GNAT3: variants seen among roughly 807,000 people sequenced by gnomAD.
The protein encoded by GNAT3 is G protein subunit alpha transducin 3.
GNAT3 carries 31 observed loss-of-function variants against 37.7 expected under a neutral mutation model. The observed-to-expected ratio is 0.82, with a 90% CI of 0.62 to 1.11. The LOEUF (loss-of-function observed/expected upper bound fraction) is 1.11. Ranked by LOEUF, GNAT3 falls within the 50% of genes most tolerant of loss-of-function variation. The pLI, the probability that GNAT3 is intolerant of heterozygous loss-of-function variation, is 0.00. For missense variants in GNAT3, 437 were observed against 412.5 expected (o/e 1.06, Z -0.51); for synonymous variants, 138 against 139.8 (o/e 0.99, Z 0.09).
chr7:80,464,519 G>T (rs1158281811), intron 5 of GNAT3, among the ~76,000 whole-genome samples: 1 of 152,022 alleles, frequency 6.6e-6, no homozygotes, highest in African/African-American at 2.4e-5. Flanking sequence ...TTTAGATAGG[G>T]AATTGACATT....
intron 3 of GNAT3, among the ~76,000 whole-genome samples, chr7:80,483,933 TTC>T (rs374696968): frequency 5.3e-5 from 8 of 151,496 alleles, no homozygotes; most frequent in Non-Finnish European, 8.8e-5. Context: ...GAATGGCTCA[TTC>T]TCTCTCTCTC....
intron 2 of GNAT3, among the ~76,000 whole-genome samples, chr7:80,489,078 T>A (rs1005631978): frequency 6.6e-6 from 1 of 152,138 alleles, no homozygotes; most frequent in Non-Finnish European, 1.5e-5. Flanking sequence ...CGAAGTCATT[T>A]AGAACATTCA....
chr7:80,507,611 C>T (rs1338990438), intron 1 of GNAT3, among the ~76,000 whole-genome samples: 1 of 151,942 alleles, frequency 6.6e-6, no homozygotes, highest in Non-Finnish European at 1.5e-5. Context: ...AAGTACAAAA[C>T]GCATTACAGT....
chr7:80,472,032 A>C (rs1242318685), intron 5 of GNAT3, among the ~76,000 whole-genome samples: 5 of 152,158 alleles, frequency 3.3e-5, no homozygotes, highest in African/African-American at 1.2e-4. Flanking sequence ...CTATAAATAG[A>C]CATGGCCCCT....
intron 1 of GNAT3, among the ~76,000 whole-genome samples, chr7:80,499,937 A>G (rs1171678775): frequency 6.6e-6 from 1 of 152,142 alleles, no homozygotes; most frequent in African/African-American, 2.4e-5. Context: ...AGCTTTAAGT[A>G]TTTTCTATTA....
chr7:80,483,611 CCT>C (rs1790427519), intron 3 of GNAT3, among the ~76,000 whole-genome samples: 1 of 151,726 alleles, frequency 6.6e-6, no homozygotes, highest in Non-Finnish European at 1.5e-5. Flanking sequence ...GTTTTGATCC[CCT>C]CTTTCCCTCC....
intron 5 of GNAT3, among the ~76,000 whole-genome samples, chr7:80,467,261 G>T (rs747358210): frequency 1.3e-5 from 2 of 152,100 alleles, no homozygotes; most frequent in African/African-American, 2.4e-5. Flanking sequence ...AATGGATTCT[G>T]AAAGTCTCTC....
intron 4 of GNAT3, 99 bp downstream of exon 4, chr7:80,478,742 A>T: frequency 8.6e-7 from 1 of 1,168,152 alleles, no homozygotes. Flanking sequence ...AACACCATTT[A>T]TTTTCCTCAT....
chr7:80,470,485 T>G (rs1461317438), intron 5 of GNAT3, among the ~76,000 whole-genome samples: 2 of 152,176 alleles, frequency 1.3e-5, no homozygotes, highest in Non-Finnish European at 2.9e-5. Flanking sequence ...CCTCTCAAAG[T>G]GCTGGGATTA....
At chr7:80,471,139 G>C (rs1256774446) in intron 5 of GNAT3, among the ~76,000 whole-genome samples, 1 of 149,878 alleles carries the variant, frequency 6.7e-6, no homozygotes, top group Non-Finnish European at 1.5e-5. Flanking sequence ...ACCAGCTGAG[G>C]GGAACTGAGG....
intron 1 of GNAT3, among the ~76,000 whole-genome samples, chr7:80,495,428 T>A (rs1790697614): frequency 6.6e-6 from 1 of 151,964 alleles, no homozygotes; most frequent in African/African-American, 2.4e-5. Flanking sequence ...CATTTTGACC[T>A]GGTGTAAGGT....
intron 1 of GNAT3, among the ~76,000 whole-genome samples, chr7:80,509,815 T>G (rs1791028552): frequency 6.6e-6 from 1 of 152,144 alleles, no homozygotes; most frequent in African/African-American, 2.4e-5. Flanking sequence ...CATCTATATA[T>G]ACTCTTTTTG....
intron 1 of GNAT3, among the ~76,000 whole-genome samples, chr7:80,498,059 A>G (rs1287493210): frequency 6.6e-6 from 1 of 152,086 alleles, no homozygotes. Context: ...TCACAACCGA[A>G]TTTTATTTTA....
chr7:80,503,049 TA>T (rs1334774493), intron 1 of GNAT3, among the ~76,000 whole-genome samples: 1 of 152,166 alleles, frequency 6.6e-6, no homozygotes, highest in Non-Finnish European at 1.5e-5. Context: ...GGGTAGTCTT[TA>T]TTTTTTTTAA....
intron 7 of GNAT3, among the ~76,000 whole-genome samples, chr7:80,460,340 G>A (rs74708934): frequency 0.012 from 1,768 of 152,204 alleles, 43 homozygotes; most frequent in African/African-American, 0.042. Flanking sequence ...ATGAATGGGG[G>A]AACACAGGGG....
intron 5 of GNAT3, among the ~76,000 whole-genome samples, chr7:80,473,004 G>T (rs76082547): frequency 1.3e-5 from 2 of 152,166 alleles, no homozygotes. Flanking sequence ...TTTCACTGGC[G>T]TGGGAGGGGC....
At chr7:80,507,324 A>G (rs1404572807) in intron 1 of GNAT3, among the ~76,000 whole-genome samples, 1 of 152,040 alleles carries the variant, frequency 6.6e-6, no homozygotes, top group Non-Finnish European at 1.5e-5. Flanking sequence ...TCTAGGGATA[A>G]TTAAAAAAAA....
chr7:80,481,949 A>C (rs1790398123), intron 3 of GNAT3, among the ~76,000 whole-genome samples: 1 of 152,198 alleles, frequency 6.6e-6, no homozygotes. Flanking sequence ...GTCCCGCTTC[A>C]AATTGTCCTG....
At chr7:80,504,063 T>A (rs1790885656) in intron 1 of GNAT3, among the ~76,000 whole-genome samples, 1 of 152,082 alleles carries the variant, frequency 6.6e-6, no homozygotes, top group South Asian at 2.1e-4. Context: ...TGCCTGTAAT[T>A]CCAGCACTTT....
Sources: gnomAD v4.1 joint callset for allele counts (sites outside exome capture counted in the v4.1 genomes callset) on GRCh38, gnomAD v4.1.1 for gene constraint, MANE v1.5 for transcripts, NCBI Gene and HGNC (gene_info 2026-07-23, HGNC 2026-07-21) for gene names.